The following HPSE2 variants were observed in gnomAD, a reference collection of about 807,000 sequenced individuals.
HPSE2 encodes the protein inactive heparanase-2.
A neutral mutation model predicts 60.5 loss-of-function variants in HPSE2; 38 were observed. That is an observed-to-expected ratio of 0.63 (90% CI 0.48 to 0.82). The LOEUF (loss-of-function observed/expected upper bound fraction) is 0.82, where lower values mean the gene tolerates loss of function less well. Among genes scored for constraint, HPSE2 ranks in the 40% least tolerant of loss-of-function variants. The pLI is 0.00. For synonymous variants in HPSE2, 295 were observed against 293.2 expected (o/e 1.01, Z -0.06); for missense variants, 713 against 740.4 (o/e 0.96, Z 0.43).
At chr10:99,038,435 A>T (rs1424684824) in intron 3 of HPSE2, among the ~76,000 whole-genome samples, 1 of 152,184 alleles carries the variant, frequency 6.6e-6, no homozygotes, top group Non-Finnish European at 1.5e-5. Context: ...TTACTATATG[A>T]TTTCAATTAT....
Position 99,217,460 on chromosome 10 carries a change from C to A in HPSE2, c.448+14888G>T, listed in dbSNP as rs189973371. On this transcript the variant is annotated intron_variant, in intron 2 of 11. Transcript: ENST00000370552. Reference sequence around the variant, plus strand: ...ACCATCTGAAGTGCATTTGGCAAATCAACTCACTCAGAGATTCTTATGCTG... The same window carrying A: ...ACCATCTGAAGTGCATTTGGCAAATAAACTCACTCAGAGATTCTTATGCTG... Among the ~76,000 whole-genome samples the A allele has an allele frequency of 3.7e-4, 56 of 152,170 alleles. 1 individual carries two copies. In the East Asian group the frequency reaches 4.5e-3, roughly 12 times the overall value.
At chr10:99,244,382 T>TTCATTATTATTA in the HPSE2 span, among the ~76,000 whole-genome samples, 1 of 134,182 alleles carries the variant, frequency 7.5e-6, no homozygotes, top group African/African-American at 2.7e-5. Flanking sequence ...TTTTATTTCT[T>TTCATTATTATTA]TTATTATTAT....
intron 2 of HPSE2, among the ~76,000 whole-genome samples, chr10:99,201,001 T>C (rs1178022651): frequency 2.6e-5 from 4 of 152,256 alleles, no homozygotes; most frequent in Admixed American, 2.6e-4. Flanking sequence ...GCAAAAAGAA[T>C]AAATAGGTAA....
intron 9 of HPSE2, among the ~76,000 whole-genome samples, chr10:98,495,630 C>T (rs1257007451): frequency 6.6e-6 from 1 of 151,984 alleles, no homozygotes; most frequent in Non-Finnish European, 1.5e-5. Context: ...TTTGCTGATT[C>T]TCTCTTCTGA....
chr10:98,705,754 G>A (rs12770437), intron 5 of HPSE2, among the ~76,000 whole-genome samples: 24 of 152,068 alleles, frequency 1.6e-4, no homozygotes, highest in Admixed American at 8.5e-4. Context: ...GGGTCCAGTC[G>A]CGGGGTGGGG....
chr10:99,145,378 A>AC (rs60782429), intron 2 of HPSE2, among the ~76,000 whole-genome samples: 76,489 of 151,338 alleles, frequency 0.51, 21,288 homozygotes, highest in East Asian at 0.65. Flanking sequence ...AATCACTTGA[A>AC]CCAGGAGGTG....
At chr10:98,540,384 A>G (rs1943421359) in intron 9 of HPSE2, among the ~76,000 whole-genome samples, 1 of 152,238 alleles carries the variant, frequency 6.6e-6, no homozygotes, top group Admixed American at 6.5e-5. Flanking sequence ...AAATGGTGTG[A>G]CATAAATTGG....
intron 10 of HPSE2, among the ~76,000 whole-genome samples, chr10:98,486,009 T>C (rs1263130477): frequency 1.3e-5 from 2 of 152,172 alleles, no homozygotes; most frequent in African/African-American, 2.4e-5. Context: ...ACTTACATAG[T>C]TCCCCTGGGG....
At chr10:98,559,651 CAAGAGCAGGTG>C (rs911592738) in intron 9 of HPSE2, among the ~76,000 whole-genome samples, 44 of 152,178 alleles carry the variant, frequency 2.9e-4, no homozygotes, top group African/African-American at 9.7e-4. Context: ...CCAGACTGTT[CAAGAGCAGGTG>C]AAGAGCAGGT....
chr10:99,083,218 G>A (rs142724611), intron 3 of HPSE2, among the ~76,000 whole-genome samples: 24 of 152,314 alleles, frequency 1.6e-4, no homozygotes, highest in Non-Finnish European at 2.5e-4. Flanking sequence ...TACATTACTA[G>A]CAGGAGGTCT....
In HPSE2 at chr10:98,938,956, C is replaced by T. The variant is rs1313423603; in HGVS notation, c.611-194900G>A. Among the ~76,000 whole-genome samples, 13 of 144,130 alleles carry T rather than the reference C, an allele frequency of 9.0e-5. 2 individuals carry two copies. In the South Asian group the frequency reaches 1.7e-3, roughly 19 times the overall value. 94.6% of individuals were successfully genotyped at this position (144,130 alleles called of 152,430 possible). ...CAACATTCTTAAAGAAAAGAATTTT[C>T]AACCAAGAATTTCATATCCAGCCAA... On this transcript the variant is annotated intron_variant, in intron 3 of 11. Coordinates refer to ENST00000370552, the MANE Select transcript of HPSE2 (RefSeq NM_021828.5).
intron 3 of HPSE2, among the ~76,000 whole-genome samples, chr10:98,908,683 C>CAAAAAAAA (rs35913499): frequency 1.5e-5 from 1 of 66,126 alleles, no homozygotes; most frequent in Non-Finnish European, 2.7e-5. Context: ...AGCTCCATCT[C>CAAAAAAAA]AAAAAAAAAA....
intron 2 of HPSE2, among the ~76,000 whole-genome samples, chr10:99,167,698 C>T (rs1847136764): frequency 6.6e-6 from 1 of 152,116 alleles, no homozygotes; most frequent in Admixed American, 6.6e-5. Context: ...TTTTATAAAA[C>T]TGTTTTACTT....
chr10:98,545,763 C>T (rs1412775523), intron 9 of HPSE2, among the ~76,000 whole-genome samples: 1 of 151,612 alleles, frequency 6.6e-6, no homozygotes, highest in Non-Finnish European at 1.5e-5. Flanking sequence ...TGCCCTCTCT[C>T]ACCACTCCTA....
chr10:98,710,838 G>A (rs1434639914), intron 5 of HPSE2, among the ~76,000 whole-genome samples: 1 of 152,038 alleles, frequency 6.6e-6, no homozygotes, highest in African/African-American at 2.4e-5. Context: ...TAGTAAGAGA[G>A]CTCAATACTC....
chr10:98,918,946 G>C, intron 3 of HPSE2, among the ~76,000 whole-genome samples: 1 of 152,026 alleles, frequency 6.6e-6, no homozygotes, highest in Non-Finnish European at 1.5e-5. Context: ...AATATTTATT[G>C]AGTACCTCTC....
intron 3 of HPSE2, among the ~76,000 whole-genome samples, chr10:99,094,481 T>C (rs1468580696): frequency 1.4e-5 from 2 of 143,664 alleles, no homozygotes; most frequent in Admixed American, 7.0e-5. Context: ...GTCATGAATA[T>C]TAACATTTCA....
the HPSE2 span, among the ~76,000 whole-genome samples, chr10:99,287,908 C>A: frequency 1.3e-5 from 2 of 151,784 alleles, no homozygotes; most frequent in Admixed American, 6.6e-5. Flanking sequence ...AAACCCAAGT[C>A]AAAAAAGAAA....
chr10:99,296,974 G>A, the HPSE2 span, among the ~76,000 whole-genome samples: 2 of 152,324 alleles, frequency 1.3e-5, no homozygotes, highest in African/African-American at 4.8e-5. Flanking sequence ...CAATTGACGA[G>A]ATGAGGAGCA....
Sources: gnomAD v4.1 joint callset for allele counts (sites outside exome capture counted in the v4.1 genomes callset) on GRCh38, gnomAD v4.1.1 for gene constraint, MANE v1.5 for transcripts, NCBI Gene and HGNC (gene_info 2026-07-23, HGNC 2026-07-21) for gene names.